The following PACRGL variants were observed in gnomAD, a reference collection of about 807,000 sequenced individuals.
PACRGL encodes the protein PACRG-like protein.
Under a neutral mutation model 34.5 loss-of-function variants are expected in PACRGL, and 38 were observed. The observed-to-expected ratio is 1.10, with a 90% CI of 0.85 to 1.44. The LOEUF (loss-of-function observed/expected upper bound fraction) is 1.44, where lower values mean the gene tolerates loss of function less well. Ranked by LOEUF, PACRGL falls within the 40% of genes most tolerant of loss-of-function variation. The probability of loss-of-function intolerance (pLI) is 0.00; values close to 1 mark genes in which losing one functional copy is unlikely to be tolerated. For synonymous variants in PACRGL, 128 were observed against 100.1 expected, an observed-to-expected ratio of 1.28 and a Z score of -1.66; for missense variants, 305 against 281.4, an observed-to-expected ratio of 1.08 and a Z score of -0.60.
chr4:20,700,737 T>G lies in PACRGL; in HGVS notation c.-67T>G, dbSNP rs1731783882. The G allele has an allele frequency of 6.6e-6, 1 of 152,170 alleles. No homozygotes were observed. The highest frequency in any genetic ancestry group is 2.4e-5 in the African/African-American group (1 of 41,446). The allele number at this position is 152,170 out of a possible 1,614,324, so 9.4% of individuals were successfully genotyped here. On this transcript the variant is annotated 5_prime_UTR_variant, in exon 1 of 9. Transcript: ENST00000503585. The stretch of plus-strand genomic sequence containing the variant: ...CGCTTGGAGTGTACCCCTCCTTTCC[T>G]GGGGTAGAGGGTCAGTCGAGAGTAG...
At chr4:20,745,074 T>G (rs1037714190) in intron 8 of PACRGL, among the ~76,000 whole-genome samples, 2 of 152,198 alleles carry the variant, frequency 1.3e-5, no homozygotes, top group African/African-American at 4.8e-5. Context: ...GAGATGTGCT[T>G]CTTTCCTTGC....
At chr4:20,739,450 C>G (rs553988702) in intron 8 of PACRGL, among the ~76,000 whole-genome samples, 1 of 152,298 alleles carries the variant, frequency 6.6e-6, no homozygotes, top group African/African-American at 2.4e-5. Context: ...ACCAGGCAAA[C>G]AGGGTCTGGA....
upstream of PACRGL, among the ~76,000 whole-genome samples, chr4:20,699,305 A>C (rs941960095): frequency 1.3e-5 from 2 of 152,238 alleles, no homozygotes; most frequent in Non-Finnish European, 2.9e-5. Context: ...ATAGAAAAGC[A>C]ATAAAGACAA....
chr4:20,724,134 CA>C (rs1270857747), intron 7 of PACRGL, among the ~76,000 whole-genome samples: 9 of 152,146 alleles, frequency 5.9e-5, no homozygotes, highest in Non-Finnish European at 2.9e-5. Flanking sequence ...TTCTGAGCTG[CA>C]AATGTATGGG....
chr4:20,764,385 C>G, the PACRGL span, among the ~76,000 whole-genome samples: 1 of 151,888 alleles, frequency 6.6e-6, no homozygotes, highest in Non-Finnish European at 1.5e-5. Flanking sequence ...ATAATGCATC[C>G]ATTGAACTTA....
intron 8 of PACRGL, among the ~76,000 whole-genome samples, chr4:20,743,047 T>C (rs1316306358): frequency 6.6e-6 from 1 of 151,820 alleles, no homozygotes; most frequent in African/African-American, 2.4e-5. Flanking sequence ...AGGACCCTTA[T>C]AAGGGTGTGA....
At chr4:20,723,390 C>T (rs1051699748) in intron 7 of PACRGL, among the ~76,000 whole-genome samples, 1 of 151,966 alleles carries the variant, frequency 6.6e-6, no homozygotes, top group African/African-American at 2.4e-5. Context: ...TGCTCTCAGT[C>T]CTTGTGGAGA....
chr4:20,739,294 C>T (rs1750477870), intron 8 of PACRGL, among the ~76,000 whole-genome samples: 1 of 152,166 alleles, frequency 6.6e-6, no homozygotes. Flanking sequence ...CAAGTGGGTC[C>T]CTGACCCCCG....
chr4:20,715,199 C>G (rs891187426), intron 7 of PACRGL, among the ~76,000 whole-genome samples: 4 of 152,142 alleles, frequency 2.6e-5, no homozygotes, highest in African/African-American at 9.7e-5. Flanking sequence ...CGCATGTTCT[C>G]ACTCATAGGT....
rs1018072615 is a variant in PACRGL at position 20,731,288 on chromosome 4, G to A, written c.*3947G>A. 2 of 582,604 alleles carry A rather than the reference G, an allele frequency of 3.4e-6. No homozygotes were observed. The highest frequency in any genetic ancestry group is 1.4e-4 in the East Asian group (1 of 6,954). The allele number at this position is 582,604 out of a possible 1,614,324, so 36.1% of individuals were successfully genotyped here. On this transcript the variant is annotated 3_prime_UTR_variant, in exon 9 of 9. Transcript: ENST00000503585. ...AGGGTCTTGCTATGTTGCCCACATT[G>A]GACTCAAAATCCTGGCCTTAAGTTA...
chr4:20,706,616 G>A (rs886646882), intron 3 of PACRGL, among the ~76,000 whole-genome samples: 9 of 150,280 alleles, frequency 6.0e-5, no homozygotes, highest in East Asian at 1.9e-4. Context: ...TCGCTCCGTC[G>A]CCAGGCTGGA....
At chr4:20,734,738 G>T, downstream of PACRGL, 1 of 1,514,648 alleles carries the variant, frequency 6.6e-7, no homozygotes, top group Non-Finnish European at 8.9e-7. Context: ...ATGAAATCCT[G>T]AAAAGAAATA....
rs541332233 is a variant in PACRGL, at chr4:20,706,474, A to AT, written c.208-1324dup. 9.3e-4 allele frequency among the ~76,000 whole-genome samples: 142 copies of AT among 152,286 alleles called. 2 individuals are homozygous for AT. The highest frequency in any genetic ancestry group is 3.2e-3 in the African/African-American group (132 of 41,564). On this transcript the variant is annotated intron_variant, in intron 3 of 8. Coordinates refer to ENST00000503585, the MANE Select transcript of PACRGL (RefSeq NM_001258345.3). ...CGGATATGCTTGTTACTTGAAAATA[A>AT]TTTTTAAAACTTGTGTTTCTTTTAT...
the PACRGL span, among the ~76,000 whole-genome samples, chr4:20,765,246 T>A: frequency 6.6e-6 from 1 of 152,192 alleles, no homozygotes; most frequent in Non-Finnish European, 1.5e-5. Context: ...TGAATTGCAA[T>A]GCTATCTTGC....
chr4:20,700,957 C>T (rs533573684), intron 1 of PACRGL, among the ~76,000 whole-genome samples, 170 bp downstream of exon 1: 11 of 152,066 alleles, frequency 7.2e-5, no homozygotes, highest in Admixed American at 3.3e-4. Context: ...GATTCTAAGA[C>T]CCCTAAGCAG....
chr4:20,760,018 G>A, the PACRGL span, among the ~76,000 whole-genome samples: 1 of 152,162 alleles, frequency 6.6e-6, no homozygotes, highest in Admixed American at 6.5e-5. Flanking sequence ...TCTGCATTTG[G>A]CAGTGGATGC....
rs779855024 is a variant in PACRGL, at chr4:20,749,719, A to G, written c.*57-2846A>G. On this transcript the variant is annotated intron_variant, in intron 8 of 8. Coordinates refer to the PACRGL transcript ENST00000507634. ...CAAATGCATTGAACAGAAAATGTGC[A>G]TATGTTGTAGAGTCTGAAATGGTAA... 12 of 1,608,282 alleles carry G rather than the reference A, an allele frequency of 7.5e-6. No individual in the cohort carries two copies. In the Admixed American group the frequency reaches 1.2e-4, roughly 16 times the overall value.
chr4:20,711,976 A>G (rs1441135534), intron 5 of PACRGL, among the ~76,000 whole-genome samples: 1 of 152,138 alleles, frequency 6.6e-6, no homozygotes, highest in Non-Finnish European at 1.5e-5. Context: ...TTATTAAGTC[A>G]TAAAATCACT....
At position 20,732,080 on chromosome 4, in the gene PACRGL, GA is replaced by G; in HGVS notation, c.*4743del. 6.4e-7 allele frequency: 1 copy of G among 1,554,974 alleles called. No individual in the cohort carries two copies. The highest frequency in any genetic ancestry group is 8.7e-7 in the Non-Finnish European group (1 of 1,147,668). On this transcript the variant is annotated 3_prime_UTR_variant, in exon 9 of 9. Coordinates refer to ENST00000503585, the MANE Select transcript of PACRGL (RefSeq NM_001258345.3). ...TTTTTGTCCATTTTCTGTTCAGGAAGAAAACAAAAATTGTATTTAGACTTAT... is the reference window on the plus strand; with the variant it reads ...TTTTTGTCCATTTTCTGTTCAGGAAGAAACAAAAATTGTATTTAGACTTAT...
Sources: allele counts gnomAD v4.1 joint callset (sites outside exome capture counted in the v4.1 genomes callset), GRCh38; gene constraint gnomAD v4.1.1; transcripts MANE v1.5; gene names NCBI Gene and HGNC (gene_info 2026-07-23, HGNC 2026-07-21).